Variants in LDB2 observed in about 807,000 individuals in gnomAD.
The protein encoded by LDB2 is LIM domain-binding protein 2.
LDB2 carries 12 observed loss-of-function variants against 44.3 expected under a neutral mutation model. The observed-to-expected ratio is 0.27, with a 90% CI of 0.17 to 0.44. The LOEUF (loss-of-function observed/expected upper bound fraction) is 0.44. Ranked by LOEUF, LDB2 falls within the 20% of genes least tolerant of loss-of-function variation. The probability of loss-of-function intolerance (pLI) is 1.00; values close to 1 mark genes in which losing one functional copy is unlikely to be tolerated. For synonymous variants in LDB2, 164 were observed against 174.8 expected, an observed-to-expected ratio of 0.94 and a Z score of 0.49; for missense variants, 344 against 473.5, an observed-to-expected ratio of 0.73 and a Z score of 2.54.
intron 2 of LDB2, among the ~76,000 whole-genome samples, chr4:16,599,221 G>T (rs1560591317): frequency 6.6e-6 from 1 of 152,178 alleles, no homozygotes; most frequent in Non-Finnish European, 1.5e-5. Flanking sequence ...CTGAAGTCAG[G>T]TTGTCAGCAG....
At chr4:16,670,137 A>G (rs970986558) in intron 2 of LDB2, among the ~76,000 whole-genome samples, 5 of 152,032 alleles carry the variant, frequency 3.3e-5, no homozygotes, top group Non-Finnish European at 7.4e-5. Context: ...AACCAAACGT[A>G]GAGATCTACT....
At chr4:16,887,047 A>G (rs980421747) in intron 1 of LDB2, among the ~76,000 whole-genome samples, 101 of 150,748 alleles carry the variant, frequency 6.7e-4, no homozygotes, top group African/African-American at 2.0e-3. Flanking sequence ...AAAAAAAAAA[A>G]AAAAAAAAAA....
chr4:16,610,467 TA>T (rs1725300117), intron 2 of LDB2, among the ~76,000 whole-genome samples: 1 of 152,108 alleles, frequency 6.6e-6, no homozygotes, highest in African/African-American at 2.4e-5. Context: ...AGAACTTTGA[TA>T]AAAGGTTAGA....
intron 1 of LDB2, chr4:16,826,307 G>A (rs1280713958): frequency 6.6e-6 from 1 of 152,176 alleles, no homozygotes; most frequent in Non-Finnish European, 1.5e-5. Flanking sequence ...AGTCCCAATA[G>A]TTCAGCATCT....
intron 1 of LDB2, among the ~76,000 whole-genome samples, chr4:16,763,002 A>G (rs1301335512): frequency 6.6e-6 from 1 of 151,998 alleles, no homozygotes; most frequent in East Asian, 1.9e-4. Flanking sequence ...CTTCAGTGGA[A>G]CATGGGATGA....
chr4:16,848,275 T>C (rs1260784757), intron 1 of LDB2, among the ~76,000 whole-genome samples: 1 of 152,250 alleles, frequency 6.6e-6, no homozygotes, highest in Non-Finnish European at 1.5e-5. Context: ...CATGGTTCTG[T>C]ACACAGATGA....
intron 5 of LDB2, among the ~76,000 whole-genome samples, chr4:16,551,238 A>G (rs1276014817): frequency 6.6e-6 from 1 of 152,222 alleles, no homozygotes; most frequent in African/African-American, 2.4e-5. Flanking sequence ...AGACTCAAGT[A>G]TTCCAAAATG....
chr4:16,579,912 G>A (rs756994569), intron 5 of LDB2, among the ~76,000 whole-genome samples: 2 of 152,108 alleles, frequency 1.3e-5, no homozygotes, highest in Non-Finnish European at 2.9e-5. Context: ...ATTCTTATAT[G>A]GGACCTGCCA....
intron 2 of LDB2, among the ~76,000 whole-genome samples, chr4:16,609,972 G>A (rs1056500896): frequency 4.6e-5 from 7 of 152,012 alleles, no homozygotes; most frequent in East Asian, 1.9e-4. Context: ...GTGTCCCTTC[G>A]GGTCAGAGAT....
At chr4:16,836,593 C>T (rs900516975) in intron 1 of LDB2, among the ~76,000 whole-genome samples, 5 of 152,194 alleles carry the variant, frequency 3.3e-5, no homozygotes, top group African/African-American at 1.2e-4. Context: ...GTCTTCTCTA[C>T]TATCAGAGCC....
At chr4:16,616,823 C>T (rs902266757) in intron 2 of LDB2, among the ~76,000 whole-genome samples, 2 of 152,116 alleles carry the variant, frequency 1.3e-5, no homozygotes, top group African/African-American at 4.8e-5. Context: ...TATTATGTAC[C>T]TAGGCAGGTC....
intron 2 of LDB2, among the ~76,000 whole-genome samples, chr4:16,688,530 T>C (rs138255907): frequency 6.6e-6 from 1 of 152,376 alleles, no homozygotes; most frequent in African/African-American, 2.4e-5. Context: ...TTTTGTTTTA[T>C]GGCAGTAATT....
At chr4:16,735,882 GATGTCATAGTCAATGCA>G (rs937770016) in intron 2 of LDB2, among the ~76,000 whole-genome samples, 2 of 152,212 alleles carry the variant, frequency 1.3e-5, no homozygotes, top group Non-Finnish European at 2.9e-5. Context: ...CGCTGTTGGA[GATGTCATAGTCAATGCA>G]ATGTGGTACC....
intron 1 of LDB2, among the ~76,000 whole-genome samples, chr4:16,859,382 A>G (rs1488779806): frequency 6.6e-6 from 1 of 152,226 alleles, no homozygotes; most frequent in Admixed American, 6.5e-5. Flanking sequence ...GTGCACCTTA[A>G]TAAGAGCCAT....
chr4:16,802,182 G>A (rs1202785446), intron 1 of LDB2, among the ~76,000 whole-genome samples: 1 of 152,168 alleles, frequency 6.6e-6, no homozygotes, highest in African/African-American at 2.4e-5. Context: ...CATCCTCTTT[G>A]TGGTGAAAGT....
At chr4:16,863,071 A>T (rs1344979259) in intron 1 of LDB2, among the ~76,000 whole-genome samples, 1 of 152,216 alleles carries the variant, frequency 6.6e-6, no homozygotes, top group African/African-American at 2.4e-5. Flanking sequence ...GAGGAAAAAA[A>T]CAACCTGGGC....
chr4:16,712,281 ACAAGG>A (rs1299792556), intron 2 of LDB2, among the ~76,000 whole-genome samples: 2 of 152,162 alleles, frequency 1.3e-5, no homozygotes, highest in African/African-American at 4.8e-5. Flanking sequence ...AGAAAGCTAT[ACAAGG>A]CTCAAGCCTG....
chr4:16,729,452 A>C (rs1760256705), intron 2 of LDB2, among the ~76,000 whole-genome samples: 1 of 152,188 alleles, frequency 6.6e-6, no homozygotes, highest in Admixed American at 6.6e-5. Flanking sequence ...GCAACTGAAA[A>C]GAAAAAAAAG....
At chr4:16,742,275 T>C (rs1050019312) in intron 2 of LDB2, among the ~76,000 whole-genome samples, 1 of 152,142 alleles carries the variant, frequency 6.6e-6, no homozygotes, top group African/African-American at 2.4e-5. Flanking sequence ...CTTCACCATG[T>C]TGGCCAGGAT....
Sources: allele counts gnomAD v4.1 joint callset (sites outside exome capture counted in the v4.1 genomes callset), GRCh38; gene constraint gnomAD v4.1.1; transcripts MANE v1.5; gene names NCBI Gene and HGNC (gene_info 2026-07-23, HGNC 2026-07-21).